Variants in CFAP221 observed in about 807,000 individuals in gnomAD.
CFAP221 encodes the protein cilia and flagella associated protein 221.
CFAP221 carries 97 observed loss-of-function variants against 113.1 expected under a neutral mutation model. The observed-to-expected ratio is 0.86, with a 90% CI of 0.73 to 1.02. CFAP221 has a LOEUF of 1.02. CFAP221 is among the 50% of genes least tolerant of loss of function. CFAP221 has a pLI of 0.00. For synonymous variants in CFAP221, 331 were observed against 354.4 expected (o/e 0.93, Z 0.74); for missense variants, 1,025 against 1,013.4 (o/e 1.01, Z -0.16).
At chr2:119,557,603 A>T (rs184213207) in intron 3 of CFAP221, among the ~76,000 whole-genome samples, 1 of 152,326 alleles carries the variant, frequency 6.6e-6, no homozygotes, top group East Asian at 1.9e-4. Context: ...CCTTTCTGCT[A>T]CTATAGAAGA....
At chr2:119,577,378 A>C (rs537147274) in intron 6 of CFAP221, among the ~76,000 whole-genome samples, 4 of 152,320 alleles carry the variant, frequency 2.6e-5, no homozygotes, top group African/African-American at 9.6e-5. Flanking sequence ...TCCTTTTTTG[A>C]TGGTTGCTTA....
chr2:119,580,359 G>A (rs1194111638), intron 6 of CFAP221: 2 of 152,220 alleles, frequency 1.3e-5, no homozygotes. Context: ...TAGGGCCCCT[G>A]AACATGAGTA....
At chr2:119,583,622 A>G (rs1003657183) in intron 6 of CFAP221, among the ~76,000 whole-genome samples, 1 of 152,160 alleles carries the variant, frequency 6.6e-6, no homozygotes, top group Non-Finnish European at 1.5e-5. Context: ...CATTCCATTC[A>G]CTATGATACA....
chr2:119,561,276 C>T (rs937241175), intron 5 of CFAP221, among the ~76,000 whole-genome samples: 2 of 151,642 alleles, frequency 1.3e-5, no homozygotes, highest in African/African-American at 4.9e-5. Flanking sequence ...GGCAACAAAG[C>T]GAGACTCCAT....
intron 6 of CFAP221, among the ~76,000 whole-genome samples, chr2:119,575,417 T>A (rs1462694052): frequency 2.6e-5 from 4 of 152,158 alleles, no homozygotes; most frequent in African/African-American, 7.2e-5. Context: ...TCTGGTGAGG[T>A]GCAAAGAGCT....
intron 22 of CFAP221, among the ~76,000 whole-genome samples, chr2:119,647,375 G>A (rs957794907): frequency 2.0e-5 from 3 of 152,162 alleles, no homozygotes; most frequent in Admixed American, 6.5e-5. Flanking sequence ...GGTAGGACTT[G>A]GATGGGCATA....
intron 7 of CFAP221, among the ~76,000 whole-genome samples, chr2:119,590,735 C>G (rs1259848212): frequency 1.3e-5 from 2 of 152,192 alleles, no homozygotes; most frequent in Non-Finnish European, 2.9e-5. Context: ...CCTGCAGGGT[C>G]CAGCAGCCTT....
At chr2:119,547,614 C>T (rs754848820) in intron 2 of CFAP221, among the ~76,000 whole-genome samples, 8 of 152,088 alleles carry the variant, frequency 5.3e-5, no homozygotes, top group Admixed American at 3.3e-4. Flanking sequence ...TTTAAAATTA[C>T]GGAATATGGT....
intron 6 of CFAP221, among the ~76,000 whole-genome samples, chr2:119,564,913 G>A (rs1244398268): frequency 1.3e-5 from 2 of 152,142 alleles, no homozygotes; most frequent in Non-Finnish European, 2.9e-5. Flanking sequence ...ATACCTAAAT[G>A]GGGAATTGCA....
rs1686451028 is a variant in CFAP221, at chr2:119,627,866, A to T, written c.1650+80A>T. The stretch of plus-strand genomic sequence containing the variant: ...GCAGATACAAGGCAAGCCCTACCTC[A>T]GTCTCAGTCCCTTCACCTCCTCCCA... On this transcript the variant is annotated intron_variant, in intron 16 of 23. Coordinates refer to ENST00000413369, the MANE Select transcript of CFAP221 (RefSeq NM_001271049.2). 3.9e-6 allele frequency: 6 copies of T among 1,552,138 alleles called. No homozygotes were observed. In the Admixed American group the frequency reaches 9.1e-5, roughly 24 times the overall value.
At chr2:119,574,369 C>A (rs1213928273) in intron 6 of CFAP221, among the ~76,000 whole-genome samples, 5 of 152,174 alleles carry the variant, frequency 3.3e-5, no homozygotes, top group African/African-American at 1.2e-4. Flanking sequence ...TGTGAAACTA[C>A]CAAGCTAGTA....
At chr2:119,641,148 C>T (rs1316276320) in intron 21 of CFAP221, among the ~76,000 whole-genome samples, 1 of 152,138 alleles carries the variant, frequency 6.6e-6, no homozygotes, top group African/African-American at 2.4e-5. Context: ...GTAAGCTCTT[C>T]CTGAACTAAG....
intron 20 of CFAP221, among the ~76,000 whole-genome samples, chr2:119,638,830 C>G (rs1041059530): frequency 6.8e-6 from 1 of 147,258 alleles, no homozygotes; most frequent in Non-Finnish European, 1.5e-5. Context: ...GGAATTACTT[C>G]CCCCCCAGGG....
chr2:119,642,189 A>G (rs1161325577), intron 21 of CFAP221, among the ~76,000 whole-genome samples: 3 of 152,200 alleles, frequency 2.0e-5, no homozygotes, highest in African/African-American at 7.2e-5. Context: ...CAGTTGCATA[A>G]CAGCTCATAA....
chr2:119,591,470 A>G (rs187665155), intron 7 of CFAP221, among the ~76,000 whole-genome samples: 11 of 152,372 alleles, frequency 7.2e-5, no homozygotes, highest in Admixed American at 5.2e-4. Context: ...CGTGGCTGGC[A>G]TGATGTTCAT....
chr2:119,642,594 A>G (rs987445652), intron 21 of CFAP221, among the ~76,000 whole-genome samples: 1 of 132,424 alleles, frequency 7.6e-6, no homozygotes, highest in African/African-American at 2.9e-5. Context: ...GCTGGAGTGC[A>G]GTGGCATAAT....
chr2:119,657,597 T>A (rs1558680054), downstream of CFAP221, among the ~76,000 whole-genome samples: 1 of 152,220 alleles, frequency 6.6e-6, no homozygotes, highest in South Asian at 2.1e-4. Flanking sequence ...CCTCTAACAT[T>A]AACATCTCCT....
At chr2:119,652,131 A>G in intron 23 of CFAP221, 62 bp downstream of exon 23, 1 of 1,328,706 alleles carries the variant, frequency 7.5e-7, no homozygotes, top group Middle Eastern at 1.8e-4. Flanking sequence ...TTCTGCATAA[A>G]GTACAAAAGT....
rs76073674 is a variant in CFAP221 at position 119,640,695 on chromosome 2, A to T, written c.2225+823A>T. ...AATGAGGCCCACCCCAAGGTGGCAG[A>T]GCCCTGGCATGGCTCCAAGAGTGGC... On this transcript the variant is annotated intron_variant, in intron 21 of 23. Coordinates refer to ENST00000413369, the MANE Select transcript of CFAP221 (RefSeq NM_001271049.2). Among the ~76,000 whole-genome samples, 66 of 152,334 alleles carry T rather than the reference A, an allele frequency of 4.3e-4. 1 individual carries two copies. Among genetic ancestry groups the T allele is most frequent in the African/African-American group, 1.5e-3 (63 of 41,576 alleles).
Sources: gnomAD v4.1 joint callset for allele counts (sites outside exome capture counted in the v4.1 genomes callset) on GRCh38, gnomAD v4.1.1 for gene constraint, MANE v1.5 for transcripts, NCBI Gene and HGNC (gene_info 2026-07-23, HGNC 2026-07-21) for gene names.